APBA1: variants seen among roughly 807,000 people sequenced by gnomAD.
APBA1 encodes amyloid-beta A4 precursor protein-binding family A member 1.
APBA1 carries 55 observed loss-of-function variants against 86.6 expected under a neutral mutation model. That is an observed-to-expected ratio of 0.64 (90% CI 0.51 to 0.80). The LOEUF (loss-of-function observed/expected upper bound fraction) is 0.80. APBA1 is among the 30% of genes least tolerant of loss of function. The pLI is 0.00. For synonymous variants in APBA1, 511 were observed against 493.9 expected (o/e 1.03, Z -0.46); for missense variants, 1,090 against 1,183.0 (o/e 0.92, Z 1.15).
intron 1 of APBA1, among the ~76,000 whole-genome samples, chr9:69,592,003 T>C (rs1259742193): frequency 1.3e-5 from 2 of 152,228 alleles, no homozygotes; most frequent in Non-Finnish European, 2.9e-5. Context: ...ACATGCTCGT[T>C]TCCTAAGCTG....
At chr9:69,623,907 A>G (rs1822877048) in intron 1 of APBA1, among the ~76,000 whole-genome samples, 1 of 152,176 alleles carries the variant, frequency 6.6e-6, no homozygotes, top group Non-Finnish European at 1.5e-5. Flanking sequence ...TACCTCTCTT[A>G]TCTTGCTGTA....
At chr9:69,469,096 A>G (rs1369702915) in intron 4 of APBA1, among the ~76,000 whole-genome samples, 1 of 152,102 alleles carries the variant, frequency 6.6e-6, no homozygotes, top group African/African-American at 2.4e-5. Context: ...CCTGGGCTCA[A>G]GCAATTTGCC....
chr9:69,635,620 C>A (rs1268669785), intron 1 of APBA1, among the ~76,000 whole-genome samples: 2 of 151,814 alleles, frequency 1.3e-5, no homozygotes, highest in African/African-American at 4.8e-5. Context: ...CCTATAAAAA[C>A]ACACACAGAC....
intron 1 of APBA1, among the ~76,000 whole-genome samples, chr9:69,641,793 CAT>C (rs1348917243): frequency 1.3e-5 from 2 of 152,146 alleles, no homozygotes; most frequent in Admixed American, 6.6e-5. Flanking sequence ...CAGAAGAAAA[CAT>C]AGCAGAAAAA....
chr9:69,521,585 G>C (rs1836252778), intron 1 of APBA1, among the ~76,000 whole-genome samples: 1 of 152,152 alleles, frequency 6.6e-6, no homozygotes, highest in South Asian at 2.1e-4. Context: ...ATGTAAGTAA[G>C]TAAACAAGAT....
In APBA1 at chr9:69,640,021, A is replaced by C. The variant is rs144753785; in HGVS notation, c.-70+32132T>G. Among the ~76,000 whole-genome samples the C allele has an allele frequency of 5.2e-4, 79 of 152,250 alleles. 1 individual carries two copies. The highest frequency in any genetic ancestry group is 1.9e-3 in the African/African-American group (79 of 41,552). The stretch of plus-strand genomic sequence containing the variant: ...GGACAATCAGCAAAACCCAGACTAA[A>C]CTTTAGGGATAAAGAACATCCTACA... On this transcript the variant is annotated intron_variant, in intron 1 of 12. Transcript: ENST00000265381.
intron 1 of APBA1, among the ~76,000 whole-genome samples, chr9:69,534,337 A>G (rs1448928118): frequency 6.6e-6 from 1 of 152,188 alleles, no homozygotes; most frequent in Admixed American, 6.5e-5. Context: ...AGCTGGGACC[A>G]TGGTTAGTTC....
intron 11 of APBA1, among the ~76,000 whole-genome samples, chr9:69,437,125 G>A (rs1402414624): frequency 1.3e-5 from 2 of 151,876 alleles, no homozygotes; most frequent in African/African-American, 4.9e-5. Flanking sequence ...CAGGGATGAA[G>A]CCCACTTGAT....
chr9:69,436,211 G>T (rs142363820), intron 11 of APBA1, among the ~76,000 whole-genome samples: 2,036 of 149,854 alleles, frequency 0.014, 134 homozygotes, highest in African/African-American at 0.047. Context: ...GTCAGGTAGC[G>T]TGATGCCTCC....
chr9:69,662,894 A>G (rs1823779106), intron 1 of APBA1, among the ~76,000 whole-genome samples: 1 of 152,200 alleles, frequency 6.6e-6, no homozygotes, highest in Admixed American at 6.5e-5. Flanking sequence ...CCTTTTCCAC[A>G]CTAATGTAAT....
chr9:69,550,039 C>G (rs2133927263), intron 1 of APBA1, among the ~76,000 whole-genome samples: 1 of 152,272 alleles, frequency 6.6e-6, no homozygotes, highest in East Asian at 1.9e-4. Context: ...AATACCAGTT[C>G]CACTTAACTT....
At chr9:69,619,334 T>C (rs536836552) in intron 1 of APBA1, among the ~76,000 whole-genome samples, 1 of 152,326 alleles carries the variant, frequency 6.6e-6, no homozygotes, top group East Asian at 1.9e-4. Flanking sequence ...ACTGGAAAGG[T>C]CTTTGTAAAT....
chr9:69,595,553 C>T (rs1221468685), intron 1 of APBA1, among the ~76,000 whole-genome samples: 1 of 152,200 alleles, frequency 6.6e-6, no homozygotes, highest in Non-Finnish European at 1.5e-5. Flanking sequence ...CCACATCTCC[C>T]ATGCAGAAAA....
chr9:69,574,467 T>TA (rs961317423), intron 1 of APBA1, among the ~76,000 whole-genome samples: 18 of 151,980 alleles, frequency 1.2e-4, no homozygotes, highest in South Asian at 2.1e-4. Context: ...AAATTCACAT[T>TA]AAAAAAAATC....
intron 4 of APBA1, among the ~76,000 whole-genome samples, chr9:69,470,518 C>CA (rs1254398050): frequency 6.6e-6 from 1 of 152,164 alleles, no homozygotes; most frequent in Non-Finnish European, 1.5e-5. Context: ...CAGGGCCTCA[C>CA]AAAAATGATG....
rs776794081 is a variant in APBA1 at position 69,597,360 on chromosome 9, GTTGT to G, written c.-70+74789_-70+74792del. Among the ~76,000 whole-genome samples, 7 of 152,104 alleles carry G rather than the reference GTTGT, an allele frequency of 4.6e-5. No individual in the cohort carries two copies. The East Asian group carries it at 1.4e-3, about 29-fold the overall frequency. ...TGTCCTTCTCCCACTTTTTGATGGG[GTTGT>G]TTTTTTCTTGTAAATTTGTTTGAGT... On this transcript the variant is annotated intron_variant, in intron 1 of 12. Transcript: ENST00000265381.
intron 1 of APBA1, among the ~76,000 whole-genome samples, chr9:69,647,938 A>ATAAAGACAGGCCT (rs1324905236): frequency 6.6e-6 from 1 of 152,226 alleles, no homozygotes; most frequent in African/African-American, 2.4e-5. Context: ...CATGGGGTTG[A>ATAAAGACAGGCCT]TAAAGACAGG....
At chr9:69,487,741 A>G (rs549175161) in intron 2 of APBA1, among the ~76,000 whole-genome samples, 1 of 152,038 alleles carries the variant, frequency 6.6e-6, no homozygotes, top group Non-Finnish European at 1.5e-5. Flanking sequence ...ATTCCCCACT[A>G]GCAAGAAAAC....
At chr9:69,672,846 C>A (rs1202485033), upstream of APBA1, 1 of 152,420 alleles carries the variant, frequency 6.6e-6, no homozygotes, top group Non-Finnish European at 1.5e-5. Flanking sequence ...GCAGCTGTGG[C>A]CAACCTCTGC....
Sources: allele counts gnomAD v4.1 joint callset (sites outside exome capture counted in the v4.1 genomes callset), GRCh38; gene constraint gnomAD v4.1.1; transcripts MANE v1.5; gene names NCBI Gene and HGNC (gene_info 2026-07-23, HGNC 2026-07-21).